The following TENM3 variants were observed in gnomAD, a reference collection of about 807,000 sequenced individuals.
TENM3 encodes teneurin-3.
TENM3 carries 63 observed loss-of-function variants against 255.1 expected under a neutral mutation model. The ratio of observed to expected loss-of-function variants is 0.25; its 90% CI spans 0.20 to 0.30. The LOEUF (loss-of-function observed/expected upper bound fraction) is 0.30. Among genes scored for constraint, TENM3 ranks in the 10% least tolerant of loss-of-function variants. TENM3 has a pLI of 1.00. For synonymous variants in TENM3, 1,306 were observed against 1,322.3 expected (o/e 0.99, Z 0.27); for missense variants, 2,929 against 3,461.1 (o/e 0.85, Z 3.86).
At chr4:181,627,671 T>C in the TENM3 span, among the ~76,000 whole-genome samples, 1 of 152,210 alleles carries the variant, frequency 6.6e-6, no homozygotes, top group Non-Finnish European at 1.5e-5. Context: ...GAAGTTATCC[T>C]TTTTTATGGC....
At chr4:182,183,624 A>G (rs1202041016) in intron 1 of TENM3, among the ~76,000 whole-genome samples, 1 of 152,142 alleles carries the variant, frequency 6.6e-6, no homozygotes, top group Non-Finnish European at 1.5e-5. Flanking sequence ...AGACCAGATA[A>G]CATATGTCCA....
At chr4:182,168,122 C>G (rs1405687765) in intron 1 of TENM3, among the ~76,000 whole-genome samples, 1 of 151,704 alleles carries the variant, frequency 6.6e-6, no homozygotes, top group Non-Finnish European at 1.5e-5. Flanking sequence ...CTTTTAATCA[C>G]ATATATATTT....
chr4:182,009,552 G>A, the TENM3 span, among the ~76,000 whole-genome samples: 6 of 152,320 alleles, frequency 3.9e-5, no homozygotes, highest in South Asian at 1.2e-3. Flanking sequence ...CAAGTCTTGG[G>A]ACCAAGCTGT....
intron 5 of TENM3, among the ~76,000 whole-genome samples, chr4:182,633,292 T>G (rs1422894903): frequency 2.0e-5 from 3 of 152,210 alleles, no homozygotes; most frequent in Non-Finnish European, 2.9e-5. Flanking sequence ...TTTCAGTAAC[T>G]ATTTTTAAGT....
At chr4:182,239,033 A>ATGTGTGTGTGTG (rs10533748), upstream of TENM3, among the ~76,000 whole-genome samples, 4 of 140,144 alleles carry the variant, frequency 2.9e-5, no homozygotes, top group Admixed American at 7.2e-5. Context: ...AAAAATCTTT[A>ATGTGTGTGTGTG]TGTGTGTGTG....
At chr4:181,769,934 A>G in the TENM3 span, among the ~76,000 whole-genome samples, 1 of 152,206 alleles carries the variant, frequency 6.6e-6, no homozygotes, top group Non-Finnish European at 1.5e-5. Flanking sequence ...TGTATGTTTA[A>G]TAGTTAAAAA....
intron 3 of TENM3, among the ~76,000 whole-genome samples, chr4:182,379,621 A>C (rs1412412471): frequency 6.7e-6 from 1 of 149,116 alleles, no homozygotes; most frequent in Non-Finnish European, 1.5e-5. Flanking sequence ...TACACTTTTA[A>C]AACTCTTTTT....
the TENM3 span, among the ~76,000 whole-genome samples, chr4:181,740,855 C>T: frequency 1.3e-5 from 2 of 152,122 alleles, no homozygotes; most frequent in East Asian, 1.9e-4. Flanking sequence ...TCTTTCCACT[C>T]GGCTGTACTT....
chr4:181,940,371 T>C, the TENM3 span, among the ~76,000 whole-genome samples: 2 of 152,208 alleles, frequency 1.3e-5, no homozygotes, highest in Non-Finnish European at 2.9e-5. Context: ...TACACATATT[T>C]AGCTTCGCCA....
intron 3 of TENM3, among the ~76,000 whole-genome samples, chr4:182,397,906 A>T (rs1180513398): frequency 6.6e-6 from 1 of 152,148 alleles, no homozygotes; most frequent in Non-Finnish European, 1.5e-5. Flanking sequence ...AATAACGATC[A>T]AGTGGCACCC....
the TENM3 span, among the ~76,000 whole-genome samples, chr4:181,581,156 T>C: frequency 6.6e-6 from 1 of 151,648 alleles, no homozygotes; most frequent in South Asian, 2.1e-4. Flanking sequence ...AAAAAAACAG[T>C]TCGAATGGGT....
chr4:182,141,029 C>T (rs532358347), upstream of TENM3, among the ~76,000 whole-genome samples: 5 of 144,540 alleles, frequency 3.5e-5, no homozygotes, highest in East Asian at 8.5e-4. Flanking sequence ...CTTCCAAAGG[C>T]CCCAGGCATG....
the TENM3 span, among the ~76,000 whole-genome samples, chr4:181,997,499 G>T: frequency 1.3e-5 from 2 of 152,264 alleles, no homozygotes; most frequent in Non-Finnish European, 2.9e-5. Flanking sequence ...ATGCCTAGTT[G>T]TGTGGCTCTC....
At chr4:181,702,643 T>A in the TENM3 span, among the ~76,000 whole-genome samples, 1 of 152,194 alleles carries the variant, frequency 6.6e-6, no homozygotes, top group Non-Finnish European at 1.5e-5. Context: ...CAAAGAAAAC[T>A]AAAGTTTAAA....
chr4:182,382,372 T>C (rs1029089078), intron 3 of TENM3, among the ~76,000 whole-genome samples: 3 of 141,864 alleles, frequency 2.1e-5, no homozygotes, highest in South Asian at 2.3e-4. Flanking sequence ...TTTTTTTTTT[T>C]ATATTTTCAA....
the TENM3 span, among the ~76,000 whole-genome samples, chr4:181,994,554 G>T: frequency 1.6e-4 from 20 of 128,368 alleles, no homozygotes; most frequent in South Asian, 2.5e-4. Flanking sequence ...TTTTTTGTGG[G>T]TTTTTTTTTT....
the TENM3 span, chr4:181,980,072 G>A: frequency 5.3e-5 from 8 of 152,322 alleles, no homozygotes; most frequent in South Asian, 1.4e-3. Flanking sequence ...TTGCCTGCAG[G>A]CCCCAGATCT....
At chr4:182,003,879 A>C in the TENM3 span, among the ~76,000 whole-genome samples, 1 of 152,138 alleles carries the variant, frequency 6.6e-6, no homozygotes, top group Non-Finnish European at 1.5e-5. Context: ...TTGTCAATAT[A>C]TCATATAATT....
In TENM3 at chr4:182,346,820, T is replaced by C. The variant is rs759894262; in HGVS notation, c.402T>C (p.Leu134=). Residue 134 remains leucine, a synonymous_variant, in exon 3 of 28, where the codon CTT becomes CTC. Transcript: ENST00000511685. ...TGTCCCCAGAGCATGCCATGAGACT[T>C]TGGGGCAGGGGGGTCAAATCAGGCC... ...AVMSPEHAMR[L]WGRGVKSGRS... 24 of 1,613,334 alleles carry C rather than the reference T, an allele frequency of 1.5e-5. No homozygotes were observed. In the Admixed American group the frequency reaches 3.0e-4, roughly 20 times the overall value.
Sources: gnomAD v4.1 joint callset for allele counts (sites outside exome capture counted in the v4.1 genomes callset) on GRCh38, gnomAD v4.1.1 for gene constraint, MANE v1.5 for transcripts, NCBI Gene and HGNC (gene_info 2026-07-23, HGNC 2026-07-21) for gene names.